TIMP3: variants seen among roughly 807,000 people sequenced by gnomAD.
The protein encoded by TIMP3 is TIMP metallopeptidase inhibitor 3, also known as metalloproteinase inhibitor 3.
A neutral mutation model predicts 30.0 loss-of-function variants in TIMP3; 11 were observed. The ratio of observed to expected loss-of-function variants is 0.37; its 90% CI spans 0.23 to 0.61. The LOEUF (loss-of-function observed/expected upper bound fraction) is 0.61. Ranked by LOEUF, TIMP3 falls within the 20% of genes least tolerant of loss-of-function variation. The probability of loss-of-function intolerance (pLI) is 0.70; values close to 1 mark genes in which losing one functional copy is unlikely to be tolerated. For missense variants in TIMP3, 181 were observed against 276.8 expected, an observed-to-expected ratio of 0.65 and a Z score of 2.45; for synonymous variants, 112 against 111.3, an observed-to-expected ratio of 1.01 and a Z score of -0.04.
In TIMP3 at chr22:32,843,494, T is replaced by C. The variant is rs369816368; in HGVS notation, c.122-5958T>C. On this transcript the variant is annotated intron_variant, in intron 1 of 4. Coordinates refer to ENST00000266085, the MANE Select transcript of TIMP3 (RefSeq NM_000362.5). ...GACCTCCCTGTGGGTCCCTGACCTA[T>C]TGCCTTTGCCATGAGCACTCCGGCC... 6.6e-5 allele frequency among the ~76,000 whole-genome samples: 10 copies of C among 152,330 alleles called. No individual in the cohort carries two copies. The South Asian group carries it at 2.1e-3, about 32-fold the overall frequency.
chr22:32,834,478 T>C (rs936283244), intron 1 of TIMP3, among the ~76,000 whole-genome samples: 1 of 152,134 alleles, frequency 6.6e-6, no homozygotes, highest in South Asian at 2.1e-4. Flanking sequence ...CACCTTTTGA[T>C]AGGAGCCTCC....
rs1197125554 is a variant in TIMP3 at position 32,859,573 on chromosome 22, T to G, written c.*196T>G. On this transcript the variant is annotated 3_prime_UTR_variant, in exon 5 of 5. Transcript: ENST00000266085. Reference sequence around the variant, plus strand: ...CCTCCTGGCCCCACCCTGCCCCTTCTTTTTGGTTTTGACATCATTCATTTC... The same window carrying G: ...CCTCCTGGCCCCACCCTGCCCCTTCGTTTTGGTTTTGACATCATTCATTTC... 4.6e-5 allele frequency: 32 copies of G among 694,852 alleles called. No homozygotes were observed. In the East Asian group the frequency reaches 9.0e-4, roughly 19 times the overall value. 43.0% of individuals were successfully genotyped at this position (694,852 alleles called of 1,614,324 possible). A position where few individuals can be genotyped will look rare whatever the true frequency, so the allele number is the denominator to read the frequency against.
chr22:32,844,205 G>T (rs981237693), intron 1 of TIMP3, among the ~76,000 whole-genome samples: 1 of 152,144 alleles, frequency 6.6e-6, no homozygotes, highest in Non-Finnish European at 1.5e-5. Context: ...ATGGTTGGAT[G>T]GGGGATAGAA....
chr22:32,830,649 T>C (rs1281473421), intron 1 of TIMP3, among the ~76,000 whole-genome samples: 1 of 152,036 alleles, frequency 6.6e-6, no homozygotes, highest in African/African-American at 2.4e-5. Flanking sequence ...ACCAGAGGGA[T>C]CCACAGGGCC....
At chr22:32,815,144 G>C (rs778024907) in intron 1 of TIMP3, among the ~76,000 whole-genome samples, 7 of 152,236 alleles carry the variant, frequency 4.6e-5, no homozygotes, top group Non-Finnish European at 7.3e-5. Context: ...CAAAGGCAAG[G>C]CATCTTCCCC....
intron 1 of TIMP3, among the ~76,000 whole-genome samples, chr22:32,812,326 G>A (rs16991240): frequency 0.018 from 2,723 of 152,242 alleles, 72 homozygotes; most frequent in African/African-American, 0.055. Flanking sequence ...TTGCAAAAGT[G>A]GATGCGGGCT....
At chr22:32,809,277 G>A (rs2046846433) in intron 1 of TIMP3, among the ~76,000 whole-genome samples, 1 of 152,308 alleles carries the variant, frequency 6.6e-6, no homozygotes, top group East Asian at 1.9e-4. Context: ...TAGACCAAGG[G>A]CTACAACTTT....
At chr22:32,841,979 C>G (rs2047919669) in intron 1 of TIMP3, among the ~76,000 whole-genome samples, 1 of 152,160 alleles carries the variant, frequency 6.6e-6, no homozygotes, top group Non-Finnish European at 1.5e-5. Context: ...CGAGCCTGCA[C>G]CTCGATGACC....
At chr22:32,848,327 C>T (rs1427385) in intron 1 of TIMP3, among the ~76,000 whole-genome samples, 74,952 of 151,948 alleles carry the variant, frequency 0.49, 19,165 homozygotes, top group African/African-American at 0.62. Flanking sequence ...TAAGATCTTT[C>T]GTTCAATCCT....
At chr22:32,825,953 G>A (rs130293) in intron 1 of TIMP3, among the ~76,000 whole-genome samples, 140,483 of 152,236 alleles carry the variant, frequency 0.92, 64,904 homozygotes, top group Middle Eastern at 0.95. Flanking sequence ...AGCAGGGGAC[G>A]TATCCACAAG....
At chr22:32,845,168 C>G (rs911261263) in intron 1 of TIMP3, among the ~76,000 whole-genome samples, 2 of 152,042 alleles carry the variant, frequency 1.3e-5, no homozygotes, top group Admixed American at 6.6e-5. Context: ...CTGATTGGTG[C>G]TTCTGTACCT....
At chr22:32,816,533 G>A (rs2047092032) in intron 1 of TIMP3, among the ~76,000 whole-genome samples, 1 of 152,096 alleles carries the variant, frequency 6.6e-6, no homozygotes, top group Non-Finnish European at 1.5e-5. Context: ...TATTTTTGGT[G>A]AGGAGAACAG....
Position 32,849,462 on chromosome 22 carries a change from C to T in TIMP3, c.132C>T (p.Ala44=). 1 of 1,613,656 alleles carries T rather than the reference C, an allele frequency of 6.2e-7. No homozygotes were observed. The highest frequency in any genetic ancestry group is 1.1e-5 in the South Asian group (1 of 90,968). Residue 44 remains alanine (A), a synonymous_variant, in exon 2 of 5, where the codon GCC becomes GCT. Coordinates refer to ENST00000266085, the MANE Select transcript of TIMP3 (RefSeq NM_000362.5). ...CTTCTGTCTCTGCAGTGATCCGGGC[C>T]AAGGTGGTGGGGAAGAAGCTGGTAA... ...AFCNSDIVIR[A]KVVGKKLVKE...
chr22:32,862,169 C>T lies in TIMP3; in HGVS notation c.*2792C>T, dbSNP rs2048561807. On this transcript the variant is annotated 3_prime_UTR_variant, in exon 5 of 5. Coordinates refer to ENST00000266085, the MANE Select transcript of TIMP3 (RefSeq NM_000362.5). ...CCTGGGTAGTCTACCATTTACTTCA[C>T]CCCAAGTCCTGCTGCCCATCCAGTT... 6.6e-6 allele frequency: 1 copy of T among 152,336 alleles called. No homozygotes were observed. Among genetic ancestry groups the T allele is most frequent in the Non-Finnish European group, 1.5e-5 (1 of 68,060 alleles). The allele number at this position is 152,336 out of a possible 1,614,324, so 9.4% of individuals were successfully genotyped here. A position where few individuals can be genotyped will look rare whatever the true frequency, so the allele number is the denominator to read the frequency against.
Position 32,819,363 on chromosome 22 carries a change from C to T in TIMP3, c.121+17241C>T, listed in dbSNP as rs543632505. ...TGGTGAGGTCCTGCGGTCTCCTTCT[C>T]GAGGCCCAGCCCGGCCCCATATTGG... On this transcript the variant is annotated intron_variant, in intron 1 of 4. Coordinates refer to ENST00000266085, the MANE Select transcript of TIMP3 (RefSeq NM_000362.5). Among the ~76,000 whole-genome samples the T allele has an allele frequency of 2.1e-3, 325 of 152,336 alleles. 1 individual carries two copies. The highest frequency in any genetic ancestry group is 7.4e-3 in the African/African-American group (309 of 41,578).
Position 32,859,495 on chromosome 22 carries a change from TG to T in TIMP3, c.*120del. 1.1e-5 allele frequency: 14 copies of T among 1,297,968 alleles called. No homozygotes were observed. The highest frequency in any genetic ancestry group is 1.5e-5 in the Non-Finnish European group (14 of 948,050). 80.4% of individuals were successfully genotyped at this position (1,297,968 alleles called of 1,614,324 possible). A position where few individuals can be genotyped will look rare whatever the true frequency, so the allele number is the denominator to read the frequency against. On this transcript the variant is annotated 3_prime_UTR_variant, in exon 5 of 5. Coordinates refer to ENST00000266085, the MANE Select transcript of TIMP3 (RefSeq NM_000362.5). ...CCTGTTTTCTTGCAAATTTAGCACTTGGAACATTTAAAGAAAGGTCTATGCT... is the reference window on the plus strand; with the variant it reads ...CCTGTTTTCTTGCAAATTTAGCACTTGAACATTTAAAGAAAGGTCTATGCT...
chr22:32,834,599 T>C (rs1050800882), intron 1 of TIMP3, among the ~76,000 whole-genome samples: 1 of 152,128 alleles, frequency 6.6e-6, no homozygotes, highest in Admixed American at 6.6e-5. Context: ...GCTGGTGCTG[T>C]GTATGTTTTG....
chr22:32,826,062 T>C lies in TIMP3; in HGVS notation c.122-23390T>C, dbSNP rs1006326200. 2.6e-5 allele frequency among the ~76,000 whole-genome samples: 4 copies of C among 152,220 alleles called. No individual in the cohort carries two copies. The East Asian group carries it at 7.7e-4, about 29-fold the overall frequency. On this transcript the variant is annotated intron_variant, in intron 1 of 4. Coordinates refer to ENST00000266085, the MANE Select transcript of TIMP3 (RefSeq NM_000362.5). Reference sequence around the variant, plus strand: ...TTAGGTCATTTACACAATTATTTTATAGGTTTTTGTTTGTTTGTTGACTTC... The same window carrying C: ...TTAGGTCATTTACACAATTATTTTACAGGTTTTTGTTTGTTTGTTGACTTC...
chr22:32,843,405 G>A (rs919085568), intron 1 of TIMP3, among the ~76,000 whole-genome samples: 1 of 152,160 alleles, frequency 6.6e-6, no homozygotes, highest in Admixed American at 6.5e-5. Flanking sequence ...CCCTCCTTGG[G>A]CAGGCTACAT....
Sources: allele counts gnomAD v4.1 joint callset (sites outside exome capture counted in the v4.1 genomes callset), GRCh38; gene constraint gnomAD v4.1.1; transcripts MANE v1.5; gene names NCBI Gene and HGNC (gene_info 2026-07-23, HGNC 2026-07-21).